Variants in KMT2E observed in about 807,000 individuals in gnomAD.
The protein encoded by KMT2E is histone reader KMT2E.
In KMT2E, 30 loss-of-function variants were observed where a neutral mutation model predicts 184.6. The observed-to-expected ratio is 0.16, with a 90% confidence interval of 0.12 to 0.22. KMT2E has a LOEUF of 0.22. KMT2E is among the 10% of genes least tolerant of loss of function. KMT2E has a pLI of 1.00. For missense variants in KMT2E, 2,023 were observed against 2,237.4 expected (o/e 0.90, Z 1.93); for synonymous variants, 815 against 776.5 (o/e 1.05, Z -0.82).
At chr7:105,102,232 A>G (rs77383660) in intron 17 of KMT2E, 38 bp downstream of exon 17, 4 of 1,510,768 alleles carry the variant, frequency 2.6e-6, no homozygotes, top group South Asian at 1.3e-5. Context: ...TTTTTCTAAC[A>G]GTTTCTTATA....
rs566407654 is a variant in KMT2E, at chr7:105,109,373, C to T, written c.3755+145C>T. Reference sequence around the variant, plus strand: ...TTCTCTCTGCTAATAGGATTTTAAGCCAGCTGTGTATGGCCTGTGTTCTTA... The same window carrying T: ...TTCTCTCTGCTAATAGGATTTTAAGTCAGCTGTGTATGGCCTGTGTTCTTA... On this transcript the variant is annotated intron_variant, in intron 23 of 26. Transcript: ENST00000311117. 222 of 809,280 alleles carry T rather than the reference C, an allele frequency of 2.7e-4. 1 individual carries two copies. The African/African-American group carries it at 3.6e-3, about 13-fold the overall frequency. The allele number at this position is 809,280 out of a possible 1,614,324, so 50.1% of individuals were successfully genotyped here. A position where few individuals can be genotyped will look rare whatever the true frequency, so the allele number is the denominator to read the frequency against.
chr7:105,064,526 A>T (rs1396364129), intron 5 of KMT2E, among the ~76,000 whole-genome samples: 1 of 152,144 alleles, frequency 6.6e-6, no homozygotes, highest in Non-Finnish European at 1.5e-5. Flanking sequence ...TGATACAAAC[A>T]TGCAGTTAGC....
chr7:105,105,962 A>G lies in KMT2E; in HGVS notation c.2555A>G (p.Asn852Ser), dbSNP rs111903775. 8 of 1,613,396 alleles carry G rather than the reference A, an allele frequency of 5.0e-6. No homozygotes were observed. The African/African-American group carries it at 6.7e-5, about 13-fold the overall frequency. Reference protein sequence around the residue: ...RSRSPAVNGENKSPLLLNDSC... With the variant: ...RSRSPAVNGESKSPLLLNDSC... ...AGAAGTCCTGCAGTCAATGGTGAAA[A>G]TAAAAGTCCACTACTATTAAATGAC... The change falls in exon 19 of 27, where the codon AAT becomes AGT. Residue 852 changes from asparagine (N) to serine (S), a missense_variant. Transcript: ENST00000311117.
chr7:105,091,593 A>C (rs1798206638), intron 15 of KMT2E: 1 of 521,402 alleles, frequency 1.9e-6, no homozygotes, highest in Non-Finnish European at 3.4e-6. Flanking sequence ...ACTATTAATA[A>C]ATTTTAATGC....
chr7:105,084,531 G>A (rs1797884923), intron 13 of KMT2E, among the ~76,000 whole-genome samples: 1 of 151,972 alleles, frequency 6.6e-6, no homozygotes, highest in South Asian at 2.1e-4. Flanking sequence ...GGAGGCTGAG[G>A]CAGAAGAATT....
chr7:105,110,606 A>G lies in KMT2E; in HGVS notation c.3970+4A>G. Reference sequence around the variant, plus strand: ...TCTTTCAGTGAACTTATGGAAGGTCAGTAAGCAGATGACCGATAATGTTAT... The same window carrying G: ...TCTTTCAGTGAACTTATGGAAGGTCGGTAAGCAGATGACCGATAATGTTAT... On this transcript the variant is annotated splice_donor_region_variant and intron_variant, in intron 25 of 26. Transcript: ENST00000311117. 6.2e-7 allele frequency: 1 copy of G among 1,614,132 alleles called. No homozygotes were observed. Among genetic ancestry groups the G allele is most frequent in the Non-Finnish European group, 8.5e-7 (1 of 1,179,976 alleles).
chr7:105,093,222 A>C (rs988820864), intron 15 of KMT2E, among the ~76,000 whole-genome samples: 1 of 152,184 alleles, frequency 6.6e-6, no homozygotes, highest in Non-Finnish European at 1.5e-5. Flanking sequence ...AAACAAAAAC[A>C]GAAAACCAGT....
chr7:105,031,875 G>T (rs554453128), intron 1 of KMT2E, among the ~76,000 whole-genome samples: 256 of 151,762 alleles, frequency 1.7e-3, no homozygotes, highest in Non-Finnish European at 3.0e-3. Context: ...CTTGAGACCA[G>T]TGTGGCCAAC....
At chr7:105,021,387 A>G (rs1031431024) in intron 1 of KMT2E, among the ~76,000 whole-genome samples, 1 of 152,238 alleles carries the variant, frequency 6.6e-6, no homozygotes, top group South Asian at 2.1e-4. Flanking sequence ...ACAGATGCAG[A>G]GAGAGATGAG....
In KMT2E at chr7:105,038,022, TTG is replaced by T. The variant is rs1475391615; in HGVS notation, c.-188-99_-188-98del. The T allele has an allele frequency of 8.5e-5, 13 of 152,340 alleles. No individual in the cohort carries two copies. In the East Asian group the frequency reaches 2.5e-3, roughly 29 times the overall value. 9.4% of individuals were successfully genotyped at this position (152,340 alleles called of 1,614,324 possible). Reference sequence around the variant, plus strand: ...TTTATCCTTTTAAGAATTGGCTGCTTTGTGTGAGTCACTTTGGTTTTAGGTAC... The same window carrying T: ...TTTATCCTTTTAAGAATTGGCTGCTTTGTGAGTCACTTTGGTTTTAGGTAC... On this transcript the variant is annotated intron_variant, in intron 1 of 26. Transcript: ENST00000311117.
intron 1 of KMT2E, among the ~76,000 whole-genome samples, chr7:105,016,380 A>G (rs1794718304): frequency 6.6e-6 from 1 of 152,206 alleles, no homozygotes; most frequent in African/African-American, 2.4e-5. Flanking sequence ...TCATTATGTA[A>G]GTTAAAAGTA....
chr7:105,025,373 C>T (rs1795136726), intron 1 of KMT2E, among the ~76,000 whole-genome samples: 1 of 152,070 alleles, frequency 6.6e-6, no homozygotes, highest in South Asian at 2.1e-4. Flanking sequence ...GCTCTGTAGC[C>T]TTTTCTGTGA....
intron 1 of KMT2E, among the ~76,000 whole-genome samples, chr7:105,015,201 C>A (rs1167814626): frequency 6.6e-6 from 1 of 152,168 alleles, no homozygotes; most frequent in East Asian, 1.9e-4. Context: ...GTGCCGGAGC[C>A]TTAGGATCTA....
intron 3 of KMT2E, among the ~76,000 whole-genome samples, chr7:105,058,309 A>G (rs1796654919): frequency 6.6e-6 from 1 of 152,180 alleles, no homozygotes; most frequent in African/African-American, 2.4e-5. Context: ...AGAGGCAAAT[A>G]AAGCTTGGTT....
chr7:105,071,285 T>C (rs1229166531), intron 6 of KMT2E, among the ~76,000 whole-genome samples: 1 of 152,094 alleles, frequency 6.6e-6, no homozygotes, highest in Admixed American at 6.6e-5. Flanking sequence ...TTGTTCAGTA[T>C]AGTGATAAAT....
intron 11 of KMT2E, among the ~76,000 whole-genome samples, chr7:105,078,566 C>T (rs1405750099): frequency 1.3e-5 from 2 of 151,114 alleles, no homozygotes; most frequent in African/African-American, 4.9e-5. Context: ...GATCATGGCT[C>T]ACTGCAGCCT....
chr7:105,055,244 G>C (rs1297571942), intron 3 of KMT2E, among the ~76,000 whole-genome samples: 1 of 146,478 alleles, frequency 6.8e-6, no homozygotes, highest in Admixed American at 6.7e-5. Context: ...TTTGAGATGG[G>C]GTCTCACTAT....
At chr7:105,052,612 G>A (rs767989484) in intron 3 of KMT2E, among the ~76,000 whole-genome samples, 9 of 152,154 alleles carry the variant, frequency 5.9e-5, no homozygotes, top group African/African-American at 2.2e-4. Context: ...AGGCTAGAGT[G>A]CAGTGGCGCA....
At chr7:105,098,231 CCTA>C (rs1296526494) in intron 15 of KMT2E, among the ~76,000 whole-genome samples, 1 of 132,790 alleles carries the variant, frequency 7.5e-6, no homozygotes, top group East Asian at 2.6e-4. Flanking sequence ...CTTTCCTTTT[CCTA>C]TTTTTTTTTT....
Sources: gnomAD v4.1 joint callset for allele counts (sites outside exome capture counted in the v4.1 genomes callset) on GRCh38, gnomAD v4.1.1 for gene constraint, MANE v1.5 for transcripts, NCBI Gene and HGNC (gene_info 2026-07-23, HGNC 2026-07-21) for gene names.